The following AEBP2 variants were observed in gnomAD, a reference collection of about 807,000 sequenced individuals.
The protein encoded by AEBP2 is zinc finger protein AEBP2.
Under a neutral mutation model 50.8 loss-of-function variants are expected in AEBP2, and 10 were observed. The observed-to-expected ratio is 0.20, with a 90% CI of 0.12 to 0.33. AEBP2 has a LOEUF of 0.33. AEBP2 is among the 10% of genes least tolerant of loss of function. The pLI is 1.00. For missense variants in AEBP2, 570 were observed against 688.0 expected, an observed-to-expected ratio of 0.83 and a Z score of 1.92; for synonymous variants, 296 against 261.3, an observed-to-expected ratio of 1.13 and a Z score of -1.28.
chr12:19,506,948 T>A (rs950522932), intron 5 of AEBP2, among the ~76,000 whole-genome samples: 1 of 151,720 alleles, frequency 6.6e-6, no homozygotes, highest in Non-Finnish European at 1.5e-5. Flanking sequence ...GGCAAGCAGA[T>A]TGGGGAGAGG....
chr12:19,475,726 C>A (rs1297408595), intron 3 of AEBP2, among the ~76,000 whole-genome samples: 1 of 152,034 alleles, frequency 6.6e-6, no homozygotes, highest in Non-Finnish European at 1.5e-5. Flanking sequence ...AAAAGTGTTC[C>A]CTTTTCACCA....
Position 19,440,167 on chromosome 12 carries a change from G to C in AEBP2, c.468G>C (p.Glu156Asp). ...SSSSGDGDGKEGLEEPKGPRG... is the reference protein window; with the variant it reads ...SSSSGDGDGKDGLEEPKGPRG... ...GCAGCGGGGATGGGGACGGCAAGGA[G>C]GGCCTGGAGGAGCCCAAGGGACCGC... The change falls in exon 1 of 8, where the codon GAG (glutamate) becomes GAC (aspartate). Residue 156 changes from glutamate to aspartate, a missense_variant. This residue lies in a region of AEBP2 where 386 missense variants were observed against 336.8 expected (regional missense o/e 1.15). Transcript: ENST00000266508. 6.7e-7 allele frequency: 1 copy of C among 1,495,356 alleles called. No individual in the cohort carries two copies. Among genetic ancestry groups the C allele is most frequent in the Non-Finnish European group, 8.8e-7 (1 of 1,130,556 alleles). 92.6% of individuals were successfully genotyped at this position (1,495,356 alleles called of 1,614,324 possible).
chr12:19,460,193 A>T (rs1182406480), intron 1 of AEBP2, among the ~76,000 whole-genome samples: 5 of 152,188 alleles, frequency 3.3e-5, no homozygotes, highest in Non-Finnish European at 5.9e-5. Context: ...TTGGCAACGG[A>T]GTGAAGACCC....
At chr12:19,429,108 C>T (rs945171992) in intron 1 of AEBP2, among the ~76,000 whole-genome samples, 3 of 152,138 alleles carry the variant, frequency 2.0e-5, no homozygotes, top group Non-Finnish European at 2.9e-5. Context: ...GGTATATCTC[C>T]GAATGCTATC....
chr12:19,408,736 C>G (rs536443608), intron 1 of AEBP2, among the ~76,000 whole-genome samples: 1 of 151,576 alleles, frequency 6.6e-6, no homozygotes, highest in Non-Finnish European at 1.5e-5. Context: ...CCCGTCTCTA[C>G]TAAAAAAATG....
At position 19,473,357 on chromosome 12, in the gene AEBP2, T is replaced by A; in HGVS notation, c.987+2T>A. 1 of 1,282,438 alleles carries A rather than the reference T, an allele frequency of 7.8e-7. No homozygotes were observed. Among genetic ancestry groups the A allele is most frequent in the South Asian group, 1.8e-5 (1 of 55,498 alleles). 79.4% of individuals were successfully genotyped at this position (1,282,438 alleles called of 1,614,324 possible). A position where few individuals can be genotyped will look rare whatever the true frequency, so the allele number is the denominator to read the frequency against. On this transcript the variant is annotated splice_donor_variant, in intron 3 of 7. Transcript: ENST00000266508. LOFTEE classifies it high-confidence loss of function. ...CACAGTGGAGACAAACCTTTCAAGG[T>A]AAGGATGCATGTATATAAAATTTAT...
chr12:19,439,774 G>C lies in AEBP2; in HGVS notation c.75G>C (p.Pro25=). ...SRLSPLPPGS[P]GSAARGRAEP... ...TGAGCCCTCTGCCCCCCGGCAGCCCGGGTTCGGCGGCGCGGGGCCGGGCTG... is the reference window on the plus strand; with the variant it reads ...TGAGCCCTCTGCCCCCCGGCAGCCCCGGTTCGGCGGCGCGGGGCCGGGCTG... The change falls in exon 1 of 8, where the codon CCG becomes CCC. Residue 25 remains proline, a synonymous_variant. Transcript: ENST00000266508. 6.6e-7 allele frequency: 1 copy of C among 1,516,654 alleles called. No individual in the cohort carries two copies. The highest frequency in any genetic ancestry group is 8.8e-7 in the Non-Finnish European group (1 of 1,138,924). 93.9% of individuals were successfully genotyped at this position (1,516,654 alleles called of 1,614,324 possible). A position where few individuals can be genotyped will look rare whatever the true frequency, so the allele number is the denominator to read the frequency against.
intron 3 of AEBP2, among the ~76,000 whole-genome samples, chr12:19,475,499 TATTG>T (rs1279798747): frequency 1.3e-5 from 2 of 152,098 alleles, no homozygotes; most frequent in Non-Finnish European, 2.9e-5. Flanking sequence ...TTTATCCACT[TATTG>T]ATTGAAGGGC....
At chr12:19,446,289 T>C (rs540924694) in intron 1 of AEBP2, among the ~76,000 whole-genome samples, 3 of 152,314 alleles carry the variant, frequency 2.0e-5, no homozygotes, top group African/African-American at 7.2e-5. Flanking sequence ...TATTCTGTTT[T>C]TTCTGTAAAT....
chr12:19,505,451 C>G (rs769821509), intron 5 of AEBP2, among the ~76,000 whole-genome samples: 1 of 152,174 alleles, frequency 6.6e-6, no homozygotes, highest in Non-Finnish European at 1.5e-5. Flanking sequence ...TGCAGCTACT[C>G]TAATGGAAGA....
Position 19,415,023 on chromosome 12 carries a change from C to T in AEBP2, c.-17+10807C>T, listed in dbSNP as rs984457689. 2.0e-5 allele frequency among the ~76,000 whole-genome samples: 3 copies of T among 151,534 alleles called. No homozygotes were observed. The South Asian group carries it at 6.3e-4, about 32-fold the overall frequency. ...TATACTTGTCTCTGTACTTTTCTAT[C>T]TATATGGATATGGGCCAGGTGTGGT... On this transcript the variant is annotated intron_variant, in intron 1 of 3. Coordinates refer to the AEBP2 transcript ENST00000538425.
intron 3 of AEBP2, among the ~76,000 whole-genome samples, chr12:19,482,744 A>C (rs1196564575): frequency 6.6e-6 from 1 of 152,124 alleles, no homozygotes; most frequent in Non-Finnish European, 1.5e-5. Flanking sequence ...ACTCACTTTC[A>C]TTAGGCGGGG....
chr12:19,470,871 C>T (rs377573968), intron 2 of AEBP2, among the ~76,000 whole-genome samples: 1 of 152,132 alleles, frequency 6.6e-6, no homozygotes, highest in African/African-American at 2.4e-5. Context: ...AAGGAGAATC[C>T]TTCTGTCAAA....
chr12:19,407,381 T>C (rs2095736888), intron 1 of AEBP2, among the ~76,000 whole-genome samples: 1 of 151,978 alleles, frequency 6.6e-6, no homozygotes, highest in South Asian at 2.1e-4. Flanking sequence ...CACTGCAACC[T>C]CCACCTCCCA....
intron 2 of AEBP2, among the ~76,000 whole-genome samples, chr12:19,468,862 C>G (rs1054092956): frequency 6.6e-6 from 1 of 152,196 alleles, no homozygotes; most frequent in Non-Finnish European, 1.5e-5. Context: ...CCCTGTAACA[C>G]TGAAATTTTA....
At chr12:19,456,385 C>A in intron 1 of AEBP2, 2 of 1,373,164 alleles carry the variant, frequency 1.5e-6, no homozygotes, top group Non-Finnish European at 2.1e-6. Flanking sequence ...GGTGGGTAGT[C>A]TGAGAAGCAC....
intron 2 of AEBP2, among the ~76,000 whole-genome samples, chr12:19,464,608 C>CA (rs1398868583): frequency 3.4e-5 from 5 of 148,896 alleles, no homozygotes; most frequent in African/African-American, 1.2e-4. Context: ...TTTTTTGAGA[C>CA]AGAGTTTGGT....
intron 3 of AEBP2, among the ~76,000 whole-genome samples, chr12:19,479,014 G>T (rs190570063): frequency 1.6e-4 from 24 of 152,224 alleles, no homozygotes; most frequent in Admixed American, 1.3e-3. Context: ...TTTGAGACCA[G>T]CCTGGGCAAC....
At position 19,501,658 on chromosome 12, in the gene AEBP2, C is replaced by T. The variant is rs201618869; in HGVS notation, c.1299+1437C>T. Among the ~76,000 whole-genome samples the T allele has an allele frequency of 2.6e-3, 390 of 151,702 alleles. 5 individuals carry two copies. In the East Asian group the frequency reaches 0.027, roughly 10 times the overall value. Reference sequence around the variant, plus strand: ...TCTGGAAAAAAAAAAATTATATATACACTAAATTTGGGTTACTTTTATTTT... The same window carrying T: ...TCTGGAAAAAAAAAAATTATATATATACTAAATTTGGGTTACTTTTATTTT... On this transcript the variant is annotated intron_variant, in intron 5 of 7. Coordinates refer to ENST00000266508, the MANE Select transcript of AEBP2 (RefSeq NM_153207.5).
Sources: allele counts gnomAD v4.1 joint callset (sites outside exome capture counted in the v4.1 genomes callset), GRCh38; gene constraint gnomAD v4.1.1; regional missense constraint gnomAD v4.1.1; transcripts MANE v1.5; gene names NCBI Gene and HGNC (gene_info 2026-07-23, HGNC 2026-07-21).